The following DNAJC17 variants were observed in gnomAD, a reference collection of about 807,000 sequenced individuals.
DNAJC17 encodes the protein dnaJ homolog subfamily C member 17.
In DNAJC17, 35 loss-of-function variants were observed where a neutral mutation model predicts 48.1. That is an observed-to-expected ratio of 0.73 (90% confidence interval 0.56 to 0.96). The LOEUF is 0.96. Ranked by LOEUF, DNAJC17 falls within the 50% of genes least tolerant of loss-of-function variation. The pLI is 0.00. For synonymous variants in DNAJC17, 117 were observed against 142.7 expected, an observed-to-expected ratio of 0.82 and a Z score of 1.28; for missense variants, 355 against 377.1, an observed-to-expected ratio of 0.94 and a Z score of 0.48.
chr15:40,794,916 G>A (rs1170252980), intron 1 of DNAJC17, among the ~76,000 whole-genome samples: 3 of 151,842 alleles, frequency 2.0e-5, no homozygotes, highest in South Asian at 2.1e-4. Flanking sequence ...ATGGGGTTTC[G>A]TCGTGTTGGC....
intron 1 of DNAJC17, among the ~76,000 whole-genome samples, chr15:40,789,358 C>G (rs945045973): frequency 4.0e-5 from 6 of 151,214 alleles, no homozygotes; most frequent in Admixed American, 3.3e-4. Context: ...CACTCCCCCA[C>G]AGTACTCCCT....
At chr15:40,800,801 A>G (rs967305886) in intron 1 of DNAJC17, among the ~76,000 whole-genome samples, 2 of 152,054 alleles carry the variant, frequency 1.3e-5, no homozygotes, top group African/African-American at 2.4e-5. Flanking sequence ...TCCACTAAAA[A>G]TATAAAAATT....
chr15:40,794,143 A>C (rs1889884977), intron 1 of DNAJC17, among the ~76,000 whole-genome samples: 1 of 149,666 alleles, frequency 6.7e-6, no homozygotes. Context: ...CAAGGTGAGG[A>C]GTTTGAGACC....
rs1889427199 is a variant in DNAJC17 at position 40,779,683 on chromosome 15, AT to A, written c.149-81del. 3.6e-6 allele frequency: 5 copies of A among 1,405,920 alleles called. No individual in the cohort carries two copies. In the African/African-American group the frequency reaches 4.3e-5, roughly 12 times the overall value. 87.1% of individuals were successfully genotyped at this position (1,405,920 alleles called of 1,614,324 possible). ...GTGTGCTCCCTCAAAAAAAAAAAAAATCTTCAAAGAAGTCACAGGATGGCAG... is the reference window on the plus strand; with the variant it reads ...GTGTGCTCCCTCAAAAAAAAAAAAAACTTCAAAGAAGTCACAGGATGGCAG... On this transcript the variant is annotated intron_variant, in intron 2 of 10. Transcript: ENST00000220496.
chr15:40,767,954 C>G lies in DNAJC17; in HGVS notation c.901G>C (p.Gly301Arg). The G allele has an allele frequency of 1.2e-6, 2 of 1,612,988 alleles. No homozygotes were observed. Among genetic ancestry groups the G allele is most frequent in the Non-Finnish European group, 1.7e-6 (2 of 1,179,708 alleles). The part of the protein sequence containing the change: ...IARMQQEDQE[G>R]PPT ...TGGAGCTGGGGCTACGTAGGCGGCC[C>G]CTCCTGGTCTTCCTGCTGCATCCGT... The change falls in exon 11 of 11, where the codon GGG (glycine) becomes CGG (arginine). Residue 301 changes from glycine (G) to arginine (R), a missense_variant. Gly to Arg is a moderately radical substitution (Grantham distance 125). This residue lies in a region of DNAJC17 where 88 missense variants were observed against 67.7 expected (regional missense o/e 1.30). Coordinates refer to ENST00000220496, the MANE Select transcript of DNAJC17 (RefSeq NM_018163.3).
intron 1 of DNAJC17, among the ~76,000 whole-genome samples, chr15:40,805,756 G>C (rs1031070463): frequency 2.0e-5 from 3 of 151,190 alleles, no homozygotes; most frequent in African/African-American, 7.3e-5. Flanking sequence ...GCGTGAACCC[G>C]AGAGGCGGAG....
Position 40,770,163 on chromosome 15 carries a change from C to G in DNAJC17, c.793-2101G>C. 1 of 264,944 alleles carries G rather than the reference C, an allele frequency of 3.8e-6. No individual in the cohort carries two copies. The allele number at this position is 264,944 out of a possible 1,614,324, so 16.4% of individuals were successfully genotyped here. ...CGAGAAGGTCCACCTCTGCCTCCGCCGGAGCTGCCCTCATTCTGGCTCCAG... is the reference window on the plus strand; with the variant it reads ...CGAGAAGGTCCACCTCTGCCTCCGCGGGAGCTGCCCTCATTCTGGCTCCAG... On this transcript the variant is annotated intron_variant, in intron 10 of 10. Coordinates refer to ENST00000220496, the MANE Select transcript of DNAJC17 (RefSeq NM_018163.3). The surrounding 1 kb of genome is among the most constrained non-coding windows in gnomAD (Gnocchi z 5.0).
Position 40,767,314 on chromosome 15 carries a change from G to A in DNAJC17, c.*626C>T, listed in dbSNP as rs1160898515. On this transcript the variant is annotated 3_prime_UTR_variant, in exon 11 of 11. Transcript: ENST00000220496. ...CCGTGTGCTGAGCATGACGGGGGTG[G>A]GCCAGACGCTGGTGTGGTGTCTGCA... 1.2e-6 allele frequency: 2 copies of A among 1,603,708 alleles called. No individual in the cohort carries two copies. The highest frequency in any genetic ancestry group is 1.7e-5 in the Admixed American group (1 of 58,734).
At position 40,779,611 on chromosome 15, in the gene DNAJC17, T is replaced by G. The variant is rs749533939; in HGVS notation, c.149-8A>C. The G allele has an allele frequency of 6.2e-7, 1 of 1,612,136 alleles. No homozygotes were observed. Among genetic ancestry groups the G allele is most frequent in the Non-Finnish European group, 8.5e-7 (1 of 1,179,680 alleles). ...GCTGGTGGAAGAGTTCAGCTAAACA[T>G]AAGGATCAAAAAGACAGAAGAAAAA... On this transcript the variant is annotated splice_polypyrimidine_tract_variant and splice_region_variant and intron_variant, in intron 2 of 10. Transcript: ENST00000220496.
rs1294026976 is a variant in DNAJC17, at chr15:40,765,179, TTTA to T, written c.*2758_*2760del. The stretch of plus-strand genomic sequence containing the variant: ...ATTCTTATTTCTTAAAAGATATGGC[TTTA>T]TTGATATGTAATGTGCATACCATAA... On this transcript the variant is annotated 3_prime_UTR_variant, in exon 11 of 11. Coordinates refer to ENST00000220496, the MANE Select transcript of DNAJC17 (RefSeq NM_018163.3). 6 of 152,256 alleles carry T rather than the reference TTTA, an allele frequency of 3.9e-5. No individual in the cohort carries two copies. The East Asian group carries it at 1.2e-3, about 29-fold the overall frequency. The allele number at this position is 152,256 out of a possible 1,614,324, so 9.4% of individuals were successfully genotyped here.
chr15:40,794,696 G>A (rs1462816224), intron 1 of DNAJC17, among the ~76,000 whole-genome samples: 1 of 151,958 alleles, frequency 6.6e-6, no homozygotes. Context: ...AATAAAAACG[G>A]TTACTCTCTT....
intron 6 of DNAJC17, 21 bp downstream of exon 6, chr15:40,776,175 G>C (rs763705700): frequency 6.2e-7 from 1 of 1,610,148 alleles, no homozygotes; most frequent in Non-Finnish European, 8.5e-7. Flanking sequence ...AGGGGAGATA[G>C]GCGGGGTGAT....
At chr15:40,781,010 G>T (rs1048202922) in intron 1 of DNAJC17, among the ~76,000 whole-genome samples, 2 of 150,150 alleles carry the variant, frequency 1.3e-5, no homozygotes, top group Admixed American at 6.6e-5. Flanking sequence ...AGCTGGGTGT[G>T]ATGACATATT....
At chr15:40,802,932 G>C (rs1036923909) in intron 1 of DNAJC17, among the ~76,000 whole-genome samples, 1 of 151,892 alleles carries the variant, frequency 6.6e-6, no homozygotes, top group Non-Finnish European at 1.5e-5. Context: ...GGTGGAACCC[G>C]ATCTCTACAA....
Position 40,770,295 on chromosome 15 carries a change from G to A in DNAJC17, c.793-2233C>T. On this transcript the variant is annotated intron_variant, in intron 10 of 10. Transcript: ENST00000220496. The surrounding 1 kb of genome is among the most constrained non-coding windows in gnomAD (Gnocchi z 5.0). ...TGCTGCCAGGAACTCCCAGCTGTCT[G>A]CTCTCCTGGGCAAAAAAGTTCCTTC... 1 of 591,806 alleles carries A rather than the reference G, an allele frequency of 1.7e-6. No individual in the cohort carries two copies. The highest frequency in any genetic ancestry group is 3.0e-6 in the Non-Finnish European group (1 of 337,590). The allele number at this position is 591,806 out of a possible 1,614,324, so 36.7% of individuals were successfully genotyped here.
At chr15:40,787,384 A>T (rs1001426699) in intron 1 of DNAJC17, among the ~76,000 whole-genome samples, 3 of 152,202 alleles carry the variant, frequency 2.0e-5, no homozygotes, top group African/African-American at 7.2e-5. Context: ...CGGAAACCTC[A>T]ACTATGTCAA....
chr15:40,807,347 C>T (rs908506889), intron 1 of DNAJC17, 22 bp downstream of exon 1: 6 of 1,614,150 alleles, frequency 3.7e-6, no homozygotes, highest in African/African-American at 1.3e-5. Context: ...TCAAGATCAG[C>T]CTTCCTCGCC....
At chr15:40,783,788 G>A (rs970891365) in intron 1 of DNAJC17, among the ~76,000 whole-genome samples, 7 of 152,114 alleles carry the variant, frequency 4.6e-5, no homozygotes, top group Non-Finnish European at 8.8e-5. Context: ...ACTTGATTCC[G>A]GGGGGCAGAG....
chr15:40,791,238 T>A (rs1252404367), intron 1 of DNAJC17, among the ~76,000 whole-genome samples: 1 of 151,744 alleles, frequency 6.6e-6, no homozygotes, highest in South Asian at 2.1e-4. Flanking sequence ...ACAAAAAAAA[T>A]TTTAAAAAGC....
Sources: gnomAD v4.1 joint callset for allele counts (sites outside exome capture counted in the v4.1 genomes callset) on GRCh38, gnomAD v4.1.1 for gene constraint, gnomAD v4.1.1 regional missense constraint, Gnocchi (gnomAD v3.1) non-coding constraint, MANE v1.5 for transcripts, NCBI Gene and HGNC (gene_info 2026-07-23, HGNC 2026-07-21) for gene names.